DPP6: variants seen among roughly 807,000 people sequenced by gnomAD.
DPP6 encodes dipeptidyl peptidase like 6.
A neutral mutation model predicts 122.6 loss-of-function variants in DPP6; 69 were observed. That is an observed-to-expected ratio of 0.56 (90% CI 0.46 to 0.69). The LOEUF is 0.69. Ranked by LOEUF, DPP6 falls within the 30% of genes least tolerant of loss-of-function variation. The probability of loss-of-function intolerance (pLI) is 0.00; values close to 1 mark genes in which losing one functional copy is unlikely to be tolerated. For synonymous variants in DPP6, 418 were observed against 433.1 expected (o/e 0.97, Z 0.43); for missense variants, 928 against 1,116.9 (o/e 0.83, Z 2.41).
chr7:154,358,461 C>T (rs1811455093), intron 1 of DPP6, among the ~76,000 whole-genome samples: 1 of 152,024 alleles, frequency 6.6e-6, no homozygotes, highest in Non-Finnish European at 1.5e-5. Flanking sequence ...TCATGTGCGC[C>T]GTATTACAAA....
At chr7:154,176,816 G>T (rs1298284968) in intron 1 of DPP6, among the ~76,000 whole-genome samples, 1 of 152,148 alleles carries the variant, frequency 6.6e-6, no homozygotes, top group Non-Finnish European at 1.5e-5. Flanking sequence ...CTGTGAGTAT[G>T]TCAGTGGAAA....
At chr7:154,146,473 G>A (rs189864552) in intron 1 of DPP6, among the ~76,000 whole-genome samples, 2 of 152,080 alleles carry the variant, frequency 1.3e-5, no homozygotes, top group East Asian at 3.9e-4. Context: ...GTGTCCTCCT[G>A]GGACAGTGAG....
intron 4 of DPP6, among the ~76,000 whole-genome samples, chr7:154,547,748 C>CA (rs1251891648): frequency 6.6e-6 from 1 of 152,154 alleles, no homozygotes; most frequent in Non-Finnish European, 1.5e-5. Flanking sequence ...TCCTGTGTCT[C>CA]AGAGGGTCTC....
At position 154,282,786 on chromosome 7, in the gene DPP6, G is replaced by C. The variant is rs186452734; in HGVS notation, c.244-163428G>C. Among the ~76,000 whole-genome samples, 36 of 152,132 alleles carry C rather than the reference G, an allele frequency of 2.4e-4. No individual in the cohort carries two copies. Among genetic ancestry groups the C allele is most frequent in the African/African-American group, 8.7e-4 (36 of 41,500 alleles). On this transcript the variant is annotated intron_variant, in intron 1 of 25. Coordinates refer to ENST00000377770, the MANE Select transcript of DPP6 (RefSeq NM_130797.4). The surrounding 1 kb of genome is among the most constrained non-coding windows in gnomAD (Gnocchi z 4.8). ...TGTATATTTGGGTAGATAAATATAG[G>C]GTTGATTCCTAAAGGGTTTAGAAAT... is the stretch of plus-strand genomic sequence containing the variant.
chr7:154,574,866 T>TG (rs1831426749), intron 5 of DPP6, among the ~76,000 whole-genome samples: 1 of 140,312 alleles, frequency 7.1e-6, no homozygotes, highest in African/African-American at 2.7e-5. Context: ...GGTGTGTGTG[T>TG]TTGTGTGTTG....
chr7:154,339,202 G>T (rs928096201), intron 1 of DPP6, among the ~76,000 whole-genome samples: 2 of 152,198 alleles, frequency 1.3e-5, no homozygotes, highest in Non-Finnish European at 2.9e-5. Context: ...TCTTTGGCAC[G>T]CGTTAAGCAG....
At chr7:153,786,555 C>T in the DPP6 span, among the ~76,000 whole-genome samples, 2 of 151,054 alleles carry the variant, frequency 1.3e-5, no homozygotes, top group Non-Finnish European at 3.0e-5. Flanking sequence ...CTGGCTAACA[C>T]GTGAAACCCC....
At chr7:154,373,827 TTCTG>T (rs1361736844) in intron 1 of DPP6, among the ~76,000 whole-genome samples, 1 of 152,066 alleles carries the variant, frequency 6.6e-6, no homozygotes, top group Non-Finnish European at 1.5e-5. Flanking sequence ...CCATTCAACT[TTCTG>T]TCTGTGAGTT....
chr7:154,588,305 T>G (rs965914286), intron 5 of DPP6: 11 of 710,274 alleles, frequency 1.5e-5, no homozygotes, highest in Non-Finnish European at 2.4e-5. Flanking sequence ...GAACTGATAA[T>G]CATGGGAAGG....
chr7:153,955,927 T>C, intron 1 of DPP6, among the ~76,000 whole-genome samples: 1 of 152,020 alleles, frequency 6.6e-6, no homozygotes, highest in Non-Finnish European at 1.5e-5. Context: ...AAGGAGGAAG[T>C]AGTGATTGTG....
At chr7:153,964,999 TCTTCCTTCCTTCCTTCCTTC>T (rs1209264469) in intron 1 of DPP6, among the ~76,000 whole-genome samples, 7 of 62,460 alleles carry the variant, frequency 1.1e-4, no homozygotes, top group South Asian at 8.1e-4. Flanking sequence ...TTCCTTCCTT[TCTTCCTTCCTTCCTTCCTTC>T]CTTCCTTCCT....
At chr7:154,082,417 T>C (rs1279690927) in intron 1 of DPP6, among the ~76,000 whole-genome samples, 5 of 152,004 alleles carry the variant, frequency 3.3e-5, no homozygotes, top group African/African-American at 7.3e-5. Flanking sequence ...ATGGAGAGGA[T>C]GGAGAGGAAA....
chr7:154,036,019 C>T (rs2861456), intron 1 of DPP6, among the ~76,000 whole-genome samples: 1 of 148,310 alleles, frequency 6.7e-6, no homozygotes, highest in African/African-American at 2.5e-5. Flanking sequence ...CGCGCGCGCG[C>T]TTGTGTGTGT....
the DPP6 span, among the ~76,000 whole-genome samples, chr7:153,850,607 A>G: frequency 6.6e-6 from 1 of 152,146 alleles, no homozygotes; most frequent in South Asian, 2.1e-4. Context: ...TTTATAAAGG[A>G]AAGAGGTTTC....
chr7:154,521,765 T>G (rs1827000618), intron 3 of DPP6, among the ~76,000 whole-genome samples: 1 of 152,180 alleles, frequency 6.6e-6, no homozygotes, highest in Non-Finnish European at 1.5e-5. Flanking sequence ...TACCGTAGTT[T>G]GAAGTCCACA....
At chr7:154,204,866 G>T (rs780324530) in intron 1 of DPP6, among the ~76,000 whole-genome samples, 21 of 151,902 alleles carry the variant, frequency 1.4e-4, no homozygotes, top group Non-Finnish European at 2.8e-4. Flanking sequence ...GTGTACTCCG[G>T]AACTCATAAT....
At chr7:154,501,727 G>A (rs1263540250) in intron 3 of DPP6, among the ~76,000 whole-genome samples, 1 of 152,250 alleles carries the variant, frequency 6.6e-6, no homozygotes, top group South Asian at 2.1e-4. Flanking sequence ...ACCTCTGCTA[G>A]GGCAGTGTGG....
intron 1 of DPP6, among the ~76,000 whole-genome samples, chr7:154,190,314 G>A (rs1798553379): frequency 6.6e-6 from 1 of 152,110 alleles, no homozygotes; most frequent in African/African-American, 2.4e-5. Flanking sequence ...AGTCTTCCAG[G>A]TGAGGTTGGC....
chr7:154,003,569 C>T (rs975987217), intron 1 of DPP6, among the ~76,000 whole-genome samples: 8 of 152,174 alleles, frequency 5.3e-5, no homozygotes, highest in African/African-American at 1.9e-4. Context: ...CTTAAGACAG[C>T]ATCATGTTAT....
Sources: gnomAD v4.1 joint callset for allele counts (sites outside exome capture counted in the v4.1 genomes callset) on GRCh38, gnomAD v4.1.1 for gene constraint, Gnocchi (gnomAD v3.1) non-coding constraint, MANE v1.5 for transcripts, NCBI Gene and HGNC (gene_info 2026-07-23, HGNC 2026-07-21) for gene names.